The following CACNA1B variants were observed in gnomAD, a reference collection of about 807,000 sequenced individuals.
CACNA1B encodes voltage-dependent N-type calcium channel subunit alpha-1B.
A neutral mutation model predicts 247.2 loss-of-function variants in CACNA1B; 70 were observed. That is an observed-to-expected ratio of 0.28 (90% CI 0.23 to 0.35). The LOEUF is 0.35. Ranked by LOEUF, CACNA1B falls within the 10% of genes least tolerant of loss-of-function variation. The probability of loss-of-function intolerance (pLI) is 1.00; values close to 1 mark genes in which losing one functional copy is unlikely to be tolerated. For missense variants in CACNA1B, 2,367 were observed against 3,197.4 expected (o/e 0.74, Z 6.26); for synonymous variants, 1,231 against 1,294.4 (o/e 0.95, Z 1.05).
rs188185801 is a variant in CACNA1B at position 138,095,324 on chromosome 9, G to C, written c.5095-1160G>C. Among the ~76,000 whole-genome samples, 157 of 152,272 alleles carry C rather than the reference G, an allele frequency of 1.0e-3. 1 individual carries two copies. The highest frequency in any genetic ancestry group is 3.0e-3 in the African/African-American group (124 of 41,558). ...TAAGAGTAGGCATTTCTCTAAAAAA[G>C]ATATGCAAATGGCAAACAATCACAT... On this transcript the variant is annotated intron_variant, in intron 36 of 46. Transcript: ENST00000371372.
At position 138,122,567 on chromosome 9, in the gene CACNA1B, T is replaced by A. The variant is rs554459966; in HGVS notation, c.*568T>A. On this transcript the variant is annotated 3_prime_UTR_variant, in exon 47 of 47. Coordinates refer to ENST00000371372, the MANE Select transcript of CACNA1B (RefSeq NM_000718.4). The stretch of plus-strand genomic sequence containing the variant: ...CAGGAACCGAGCTGGGAAGTGTTCT[T>A]GCTGTGGTTGTGATTTTTAATTGCA... 6.5e-6 allele frequency: 1 copy of A among 153,930 alleles called. No individual in the cohort carries two copies. The highest frequency in any genetic ancestry group is 2.4e-5 in the African/African-American group (1 of 41,630). The allele number at this position is 153,930 out of a possible 1,614,324, so 9.5% of individuals were successfully genotyped here.
rs537986464 is a variant in CACNA1B at position 138,083,194 on chromosome 9, A to C, written c.5094+4936A>C. ...TGGCTACTGTGTTCCACTACCTAGG[A>C]GTTGGAACTAGAGCGGGAGTGTGAC... On this transcript the variant is annotated intron_variant, in intron 36 of 46. Coordinates refer to ENST00000371372, the MANE Select transcript of CACNA1B (RefSeq NM_000718.4). Among the ~76,000 whole-genome samples, 120 of 151,148 alleles carry C rather than the reference A, an allele frequency of 7.9e-4. 7 individuals are homozygous for C. The South Asian group carries it at 0.024, about 30-fold the overall frequency.
intron 15 of CACNA1B, among the ~76,000 whole-genome samples, chr9:138,003,914 G>A (rs936733445): frequency 1.3e-5 from 2 of 150,650 alleles, no homozygotes; most frequent in African/African-American, 2.4e-5. Flanking sequence ...GAGCCACCAC[G>A]CCTGGCCAGT....
At chr9:138,101,100 C>A (rs766714133) in intron 37 of CACNA1B, 1 of 531,708 alleles carries the variant, frequency 1.9e-6, no homozygotes, top group Non-Finnish European at 3.9e-6. Context: ...CATTTCCTTT[C>A]CAGTTGCCGG....
At chr9:138,093,044 G>T (rs1264176369) in intron 36 of CACNA1B, among the ~76,000 whole-genome samples, 1 of 151,934 alleles carries the variant, frequency 6.6e-6, no homozygotes, top group Admixed American at 6.6e-5. Flanking sequence ...TAATAATTAG[G>T]GAAATGCAAA....
chr9:137,925,970 G>A (rs1957545658), intron 6 of CACNA1B, among the ~76,000 whole-genome samples: 1 of 149,198 alleles, frequency 6.7e-6, no homozygotes, highest in African/African-American at 2.5e-5. Flanking sequence ...TGGCCAGGAT[G>A]GTCTTGATCT....
intron 39 of CACNA1B, among the ~76,000 whole-genome samples, chr9:138,107,178 CTCAG>C (rs1961455806): frequency 6.6e-6 from 1 of 152,048 alleles, no homozygotes; most frequent in Admixed American, 6.6e-5. Flanking sequence ...CCTTCCCTAT[CTCAG>C]TCAATGCTTA....
intron 34 of CACNA1B, among the ~76,000 whole-genome samples, chr9:138,074,993 A>G (rs11137364): frequency 0.2 from 30,664 of 152,176 alleles, 9,025 homozygotes; most frequent in African/African-American, 0.65. Flanking sequence ...GAAAGAACAC[A>G]TTGTCAGCTA....
At chr9:137,901,973 G>T (rs865885264) in intron 3 of CACNA1B, among the ~76,000 whole-genome samples, 1 of 152,314 alleles carries the variant, frequency 6.6e-6, no homozygotes, top group Middle Eastern at 3.4e-3. Context: ...TTACAGGCGT[G>T]AGCCACTGCA....
rs752558126 is a variant in CACNA1B at position 138,023,255 on chromosome 9, G to A, written c.2512G>A (p.Ala838Thr). 2.0e-6 allele frequency: 3 copies of A among 1,515,008 alleles called. No homozygotes were observed. Among genetic ancestry groups the A allele is most frequent in the South Asian group, 2.5e-5 (2 of 81,426 alleles). The allele number at this position is 1,515,008 out of a possible 1,614,324, so 93.8% of individuals were successfully genotyped here. The stretch of plus-strand genomic sequence containing the variant: ...CGTGGGAGGCAAAGCCCGACCTGAG[G>A]CTGCGGAGGCCCCCGAGGGCGTCGA... Reference protein sequence around the residue: ...GPVGGKARPEAAEAPEGVDPP... With the variant: ...GPVGGKARPETAEAPEGVDPP... The change falls in exon 19 of 47, where the codon GCT becomes ACT. Residue 838 changes from alanine (A) to threonine (T), a missense_variant. Ala to Thr is a moderately conservative substitution (Grantham distance 58). Coordinates refer to ENST00000371372, the MANE Select transcript of CACNA1B (RefSeq NM_000718.4).
Position 138,013,020 on chromosome 9 carries a change from C to A in CACNA1B, c.2161-109C>A, listed in dbSNP as rs536112640. On this transcript the variant is annotated intron_variant, in intron 17 of 46. Transcript: ENST00000371372. ...TGTCTCCACTGGATAGAGAGCAGCA[C>A]TGTGTATTTTTTGAGGCCCCTGGAG... 47 of 767,232 alleles carry A rather than the reference C, an allele frequency of 6.1e-5. No homozygotes were observed. In the South Asian group the frequency reaches 6.6e-4, roughly 11 times the overall value. 47.5% of individuals were successfully genotyped at this position (767,232 alleles called of 1,614,324 possible). A position where few individuals can be genotyped will look rare whatever the true frequency, so the allele number is the denominator to read the frequency against.
intron 20 of CACNA1B, among the ~76,000 whole-genome samples, chr9:138,036,757 C>T (rs985723077): frequency 2.6e-5 from 4 of 152,140 alleles, no homozygotes; most frequent in African/African-American, 9.7e-5. Context: ...CTCCTGTGCT[C>T]CGTCTCCACC....
At chr9:138,118,489 T>G (rs1448299181) in intron 43 of CACNA1B, among the ~76,000 whole-genome samples, 163 bp from the exon 44 acceptor site, 54 of 56,376 alleles carry the variant, frequency 9.6e-4, no homozygotes, top group Middle Eastern at 9.3e-3. Context: ...GGATGGGGGG[T>G]GTGTGAGACT....
At chr9:138,109,022 A>C (rs989503360) in intron 39 of CACNA1B, among the ~76,000 whole-genome samples, 2 of 152,272 alleles carry the variant, frequency 1.3e-5, no homozygotes, top group African/African-American at 4.8e-5. Context: ...AGTTAGGTTC[A>C]GTGTTTGAAA....
intron 10 of CACNA1B, among the ~76,000 whole-genome samples, chr9:137,960,435 G>GCCAC (rs375346056): frequency 1.5e-3 from 40 of 27,440 alleles, no homozygotes; most frequent in South Asian, 2.8e-3. Flanking sequence ...CCTGAGAGAC[G>GCCAC]GAGGGGGAGG....
chr9:137,925,192 G>A (rs1434118447), intron 6 of CACNA1B, among the ~76,000 whole-genome samples: 2 of 152,206 alleles, frequency 1.3e-5, no homozygotes, highest in Non-Finnish European at 2.9e-5. Context: ...CCTACAGATC[G>A]GCAGGGAGGG....
intron 6 of CACNA1B, among the ~76,000 whole-genome samples, chr9:137,946,424 G>A (rs1034911542): frequency 1.3e-5 from 2 of 152,136 alleles, no homozygotes; most frequent in Admixed American, 1.3e-4. Context: ...ACTGCCAATT[G>A]TGTCACACGT....
chr9:137,997,274 T>A (rs910562441), intron 15 of CACNA1B, among the ~76,000 whole-genome samples: 5 of 151,896 alleles, frequency 3.3e-5, no homozygotes, highest in Non-Finnish European at 7.4e-5. Flanking sequence ...TCCTTCCAAA[T>A]AAAAATGCTT....
chr9:137,909,266 A>C (rs1025746007), intron 3 of CACNA1B, among the ~76,000 whole-genome samples: 3 of 152,104 alleles, frequency 2.0e-5, no homozygotes, highest in Admixed American at 6.5e-5. Context: ...CTGGGATGAC[A>C]GGCGTGAGCC....
Sources: allele counts gnomAD v4.1 joint callset (sites outside exome capture counted in the v4.1 genomes callset), GRCh38; gene constraint gnomAD v4.1.1; transcripts MANE v1.5; gene names NCBI Gene and HGNC (gene_info 2026-07-23, HGNC 2026-07-21).